Variants in GLMN observed in about 807,000 individuals in gnomAD.
GLMN encodes the protein glomulin.
A neutral mutation model predicts 87.8 loss-of-function variants in GLMN; 75 were observed. The ratio of observed to expected loss-of-function variants is 0.85; its 90% CI spans 0.71 to 1.04. The LOEUF (loss-of-function observed/expected upper bound fraction) is 1.04. GLMN is among the 50% of genes least tolerant of loss of function. GLMN has a pLI of 0.00. For missense variants in GLMN, 588 were observed against 658.8 expected (o/e 0.89, Z 1.18); for synonymous variants, 206 against 221.6 (o/e 0.93, Z 0.63).
At chr1:92,301,903 T>C (rs1408582702), upstream of GLMN, among the ~76,000 whole-genome samples, 2 of 152,216 alleles carry the variant, frequency 1.3e-5, no homozygotes, top group African/African-American at 4.8e-5. Flanking sequence ...GTGATAGATA[T>C]GTTAATTAGC....
rs1273619991 is a variant in GLMN at position 92,262,913 on chromosome 1, A to T, written c.1423T>A (p.Leu475Ile). 8.9e-7 allele frequency: 1 copy of T among 1,120,410 alleles called. No individual in the cohort carries two copies. The highest frequency in any genetic ancestry group is 1.5e-5 in the African/African-American group (1 of 66,262). The allele number at this position is 1,120,410 out of a possible 1,614,324, so 69.4% of individuals were successfully genotyped here. Reference sequence around the variant, plus strand: ...ATAACCAAATACCTCAATAAATTTAATGAAGCCATAATCCTGTTAATTAAA... The same window carrying T: ...ATAACCAAATACCTCAATAAATTTATTGAAGCCATAATCCTGTTAATTAAA... ...LQNSDRIMAS[L>I]NLLRYLVIKD... is the part of the protein sequence containing the mutation. Residue 475 changes from leucine (L) to isoleucine (I), a missense_variant, in exon 16 of 19, where the codon TTA becomes ATA. Leu to Ile is a conservative substitution (Grantham distance 5). Transcript: ENST00000370360.
chr1:92,281,691 C>G lies in GLMN; in HGVS notation c.735+4799G>C, dbSNP rs1487518801. On this transcript the variant is annotated intron_variant, in intron 7 of 18. Transcript: ENST00000370360. The stretch of plus-strand genomic sequence containing the variant: ...CAGACTGGCAAATTGAATAAAGAGT[C>G]AAAACCCATTGGTGTGCTGTATTCA... 2.0e-5 allele frequency among the ~76,000 whole-genome samples: 3 copies of G among 151,832 alleles called. No individual in the cohort carries two copies. The East Asian group carries it at 5.8e-4, about 29-fold the overall frequency.
intron 3 of GLMN, among the ~76,000 whole-genome samples, chr1:92,294,936 C>T (rs1413835248): frequency 2.6e-5 from 4 of 152,214 alleles, no homozygotes; most frequent in African/African-American, 9.7e-5. Context: ...GCCTCGGCCT[C>T]CCAAAGTGCT....
intron 14 of GLMN, among the ~76,000 whole-genome samples, chr1:92,264,198 A>G (rs1655352965): frequency 6.6e-6 from 1 of 152,082 alleles, no homozygotes; most frequent in African/African-American, 2.4e-5. Flanking sequence ...CTGTAGTCCC[A>G]ATTACTCGGG....
At chr1:92,364,596 C>T in the GLMN span, among the ~76,000 whole-genome samples, 1 of 152,036 alleles carries the variant, frequency 6.6e-6, no homozygotes, top group Non-Finnish European at 1.5e-5. Flanking sequence ...TCAAATGGCC[C>T]CTTTTGGTGG....
At chr1:92,331,218 T>C in the GLMN span, among the ~76,000 whole-genome samples, 1 of 152,238 alleles carries the variant, frequency 6.6e-6, no homozygotes, top group African/African-American at 2.4e-5. Context: ...TTTGCTTTTT[T>C]TCTTTACAGT....
the GLMN span, among the ~76,000 whole-genome samples, chr1:92,327,477 A>G: frequency 1.3e-5 from 2 of 152,280 alleles, no homozygotes; most frequent in South Asian, 4.1e-4. Flanking sequence ...AAGAATAGCT[A>G]CTTCTCACTT....
chr1:92,262,773 A>G, intron 16 of GLMN, 90 bp downstream of exon 16: 2 of 673,640 alleles, frequency 3.0e-6, no homozygotes, highest in South Asian at 1.5e-5. Flanking sequence ...TGGGTAAGAT[A>G]TTAAATATTG....
At chr1:92,260,468 T>C (rs1349914300) in intron 16 of GLMN, among the ~76,000 whole-genome samples, 2 of 150,654 alleles carry the variant, frequency 1.3e-5, no homozygotes, top group Non-Finnish European at 3.0e-5. Context: ...ATACAAAAAT[T>C]AGCTGGTGTG....
At chr1:92,344,522 GTTTA>G in the GLMN span, among the ~76,000 whole-genome samples, 1 of 152,098 alleles carries the variant, frequency 6.6e-6, no homozygotes, top group Non-Finnish European at 1.5e-5. Context: ...ATATGCCACA[GTTTA>G]TTTTTCTATT....
At position 92,256,020 on chromosome 1, in the gene GLMN, TAA is replaced by T. The variant is rs970184033; in HGVS notation, c.1473+6841_1473+6842del. Among the ~76,000 whole-genome samples, 262 of 149,042 alleles carry T rather than the reference TAA, an allele frequency of 1.8e-3. 1 individual carries two copies. Among genetic ancestry groups the T allele is most frequent in the African/African-American group, 5.7e-3 (234 of 41,058 alleles). On this transcript the variant is annotated intron_variant, in intron 16 of 18. Transcript: ENST00000370360. ...CAAAACAGACCACTAGCCAGACTAA[TAA>T]AGAGAGAAGAATCAAATAGACACAA...
upstream of GLMN, among the ~76,000 whole-genome samples, chr1:92,302,589 A>C (rs1650928818): frequency 1.1e-5 from 1 of 92,268 alleles, no homozygotes; most frequent in Non-Finnish European, 2.3e-5. Context: ...TTCCGCATTA[A>C]ATTTTTTTTT....
chr1:92,356,788 C>T, the GLMN span, among the ~76,000 whole-genome samples: 4 of 151,638 alleles, frequency 2.6e-5, no homozygotes, highest in Admixed American at 6.6e-5. Flanking sequence ...ATGGGCCAGG[C>T]GCAGTGGCTC....
chr1:92,273,269 C>CA (rs1656437340), intron 7 of GLMN, among the ~76,000 whole-genome samples: 1 of 152,116 alleles, frequency 6.6e-6, no homozygotes, highest in Non-Finnish European at 1.5e-5. Flanking sequence ...TGCTATTCAG[C>CA]GACCAGATGC....
chr1:92,348,314 A>C, the GLMN span, among the ~76,000 whole-genome samples: 1 of 152,160 alleles, frequency 6.6e-6, no homozygotes, highest in African/African-American at 2.4e-5. Flanking sequence ...TCTCCTAGTC[A>C]TTGGTCAACT....
Position 92,289,087 on chromosome 1 carries a change from C to T in GLMN, c.459G>A (p.Gln153=). Residue 153 remains glutamine, a synonymous_variant, in exon 6 of 19, where the codon CAG becomes CAA. Transcript: ENST00000370360. ...AGTATGGAACAGGAAGAAGAGATAG[C>T]TGATTCCAAAGGGTAGACAATGCTA... The part of the protein sequence containing the change: ...IGLALSTLWN[Q]LSLLPVPYSK... 1 of 1,612,228 alleles carries T rather than the reference C, an allele frequency of 6.2e-7. No homozygotes were observed. The highest frequency in any genetic ancestry group is 8.5e-7 in the Non-Finnish European group (1 of 1,178,340).
intron 1 of GLMN, among the ~76,000 whole-genome samples, chr1:92,298,382 C>T (rs1462027421): frequency 6.6e-6 from 1 of 151,904 alleles, no homozygotes; most frequent in Non-Finnish European, 1.5e-5. Context: ...AACTAAAGGG[C>T]TTTTAAAAAG....
chr1:92,300,191 T>C, upstream of GLMN: 1 of 1,602,912 alleles, frequency 6.2e-7, no homozygotes, highest in Middle Eastern at 1.7e-4. Flanking sequence ...ATTTTTATTG[T>C]AGGTACTAAA....
upstream of GLMN, chr1:92,299,219 G>A: frequency 1.1e-6 from 1 of 949,368 alleles, no homozygotes; most frequent in Non-Finnish European, 1.5e-6. Flanking sequence ...AGACCGCAGC[G>A]CGCGGGCGCT....
Sources: gnomAD v4.1 joint callset for allele counts (sites outside exome capture counted in the v4.1 genomes callset) on GRCh38, gnomAD v4.1.1 for gene constraint, MANE v1.5 for transcripts, NCBI Gene and HGNC (gene_info 2026-07-23, HGNC 2026-07-21) for gene names.